ST13: variants seen among roughly 807,000 people sequenced by gnomAD.
ST13 encodes ST13 Hsp70 interacting protein.
In ST13, 23 loss-of-function variants were observed where a neutral mutation model predicts 56.7. The observed-to-expected ratio is 0.41, with a 90% confidence interval of 0.29 to 0.57. The LOEUF (loss-of-function observed/expected upper bound fraction) is 0.57. ST13 is among the 20% of genes least tolerant of loss of function. The pLI is 0.36. For synonymous variants in ST13, 132 were observed against 142.4 expected (o/e 0.93, Z 0.52); for missense variants, 369 against 459.9 (o/e 0.80, Z 1.81).
chr22:40,844,536 T>C lies in ST13; in HGVS notation c.315+303A>G, dbSNP rs183365469. 8.6e-3 allele frequency among the ~76,000 whole-genome samples: 1,304 copies of C among 152,306 alleles called. 6 individuals carry two copies. The highest frequency in any genetic ancestry group is 0.013 in the Non-Finnish European group (866 of 68,022). On this transcript the variant is annotated intron_variant, in intron 4 of 11. Transcript: ENST00000216218. ...TATGACAAACCATTCTGTAATACAA[T>C]TTGGCATTAGATATTCCATCAAGAG...
In ST13 at chr22:40,856,631, T is replaced by G; in HGVS notation, c.-91A>C. 2 of 1,022,204 alleles carry G rather than the reference T, an allele frequency of 2.0e-6. No individual in the cohort carries two copies. Among genetic ancestry groups the G allele is most frequent in the Non-Finnish European group, 3.0e-6 (2 of 658,538 alleles). 63.3% of individuals were successfully genotyped at this position (1,022,204 alleles called of 1,614,324 possible). ...GCGTGACCGCGCAGAAGGGGGCGGC[T>G]GCCGCAAGACAGAACAGACTAGAAC... On this transcript the variant is annotated 5_prime_UTR_variant, in exon 1 of 12. Transcript: ENST00000216218.
chr22:40,856,610 G>T lies in ST13; in HGVS notation c.-70C>A. On this transcript the variant is annotated 5_prime_UTR_variant, in exon 1 of 12. Coordinates refer to ENST00000216218, the MANE Select transcript of ST13 (RefSeq NM_003932.5). ...CCAGGCCCAGGCGCTGGCTCGGCGTGACCGCGCAGAAGGGGGCGGCTGCCG... is the reference window on the plus strand; with the variant it reads ...CCAGGCCCAGGCGCTGGCTCGGCGTTACCGCGCAGAAGGGGGCGGCTGCCG... 7.7e-7 allele frequency: 1 copy of T among 1,303,774 alleles called. No individual in the cohort carries two copies. The highest frequency in any genetic ancestry group is 1.2e-5 in the South Asian group (1 of 84,444). 80.8% of individuals were successfully genotyped at this position (1,303,774 alleles called of 1,614,324 possible).
intron 4 of ST13, 43 bp from the exon 5 acceptor site, chr22:40,840,735 AGAG>A (rs760869863): frequency 2.6e-6 from 4 of 1,543,884 alleles, no homozygotes; most frequent in Non-Finnish European, 3.5e-6. Flanking sequence ...GTAGAGAGAG[AGAG>A]AAGGAAGCAA....
At chr22:40,829,872 T>C (rs1450611207) in intron 9 of ST13, among the ~76,000 whole-genome samples, 198 bp from the exon 10 acceptor site, 1 of 152,164 alleles carries the variant, frequency 6.6e-6, no homozygotes, top group African/African-American at 2.4e-5. Flanking sequence ...TGGTAGTAAT[T>C]TCAAGTAAAG....
At chr22:40,853,693 TCTAAA>T (rs2057873430) in intron 1 of ST13, among the ~76,000 whole-genome samples, 1 of 152,224 alleles carries the variant, frequency 6.6e-6, no homozygotes, top group Non-Finnish European at 1.5e-5. Context: ...GTTGCTACAC[TCTAAA>T]TTCTATATTG....
intron 4 of ST13, among the ~76,000 whole-genome samples, chr22:40,842,390 A>G (rs1377005316): frequency 6.6e-6 from 1 of 152,248 alleles, no homozygotes; most frequent in African/African-American, 2.4e-5. Context: ...GAGTTCAACA[A>G]GGAATTTAAT....
chr22:40,853,600 A>G (rs150690387), intron 1 of ST13, among the ~76,000 whole-genome samples: 1 of 152,182 alleles, frequency 6.6e-6, no homozygotes, highest in Non-Finnish European at 1.5e-5. Flanking sequence ...GACCACATAA[A>G]ACTTCATTCA....
At chr22:40,852,363 A>T (rs1450204245) in intron 1 of ST13, among the ~76,000 whole-genome samples, 3 of 152,174 alleles carry the variant, frequency 2.0e-5, no homozygotes, top group Non-Finnish European at 2.9e-5. Context: ...ACTCTCATCC[A>T]GCTTTCTAAT....
intron 5 of ST13, among the ~76,000 whole-genome samples, chr22:40,837,159 C>T (rs2057781416): frequency 6.6e-6 from 1 of 152,152 alleles, no homozygotes; most frequent in African/African-American, 2.4e-5. Flanking sequence ...GATACTTAGC[C>T]AGTTAGCGAA....
intron 1 of ST13, among the ~76,000 whole-genome samples, chr22:40,855,703 AAT>A (rs1314196231): frequency 2.0e-5 from 3 of 152,190 alleles, no homozygotes; most frequent in African/African-American, 7.2e-5. Flanking sequence ...TATTCGTCTA[AAT>A]AGACAGTACT....
chr22:40,853,257 T>C (rs556924182), intron 1 of ST13, among the ~76,000 whole-genome samples: 1 of 152,266 alleles, frequency 6.6e-6, no homozygotes, highest in South Asian at 2.1e-4. Flanking sequence ...GGTGTTGGGG[T>C]ATAATGTTGG....
chr22:40,835,439 G>A, intron 7 of ST13, 121 bp downstream of exon 7: 1 of 790,004 alleles, frequency 1.3e-6, no homozygotes, highest in Non-Finnish European at 2.1e-6. Flanking sequence ...TTGATACTAA[G>A]TACACACTAA....
At chr22:40,838,385 G>A (rs1016203558) in intron 5 of ST13, among the ~76,000 whole-genome samples, 1 of 152,122 alleles carries the variant, frequency 6.6e-6, no homozygotes, top group Non-Finnish European at 1.5e-5. Context: ...CATGAACAGA[G>A]AGTTCAGAAA....
chr22:40,855,191 C>T (rs1032025071), intron 1 of ST13, among the ~76,000 whole-genome samples: 1 of 152,200 alleles, frequency 6.6e-6, no homozygotes, highest in Admixed American at 6.5e-5. Context: ...TGAAGTGGCT[C>T]ACGCCTGTAA....
rs532586012 is a variant in ST13 at position 40,835,948 on chromosome 22, T to C, written c.383-61A>G. ...AGGATAAAAATATTAATAAAAAGTT[T>C]TGATCTGTTATCCAGTTAAGTCTTT... On this transcript the variant is annotated intron_variant, in intron 5 of 11. Coordinates refer to ENST00000216218, the MANE Select transcript of ST13 (RefSeq NM_003932.5). The C allele has an allele frequency of 7.6e-6, 10 of 1,311,828 alleles. No individual in the cohort carries two copies. In the East Asian group the frequency reaches 1.9e-4, roughly 25 times the overall value. The allele number at this position is 1,311,828 out of a possible 1,614,324, so 81.3% of individuals were successfully genotyped here.
intron 4 of ST13, 34 bp from the exon 5 acceptor site, chr22:40,840,726 T>G: frequency 1.3e-6 from 2 of 1,566,342 alleles, no homozygotes; most frequent in Non-Finnish European, 1.7e-6. Context: ...TTAGAATTAG[T>G]AGAGAGAGAG....
rs376218603 is a variant in ST13 at position 40,824,835 on chromosome 22, TA to T, written c.*1702del. On this transcript the variant is annotated 3_prime_UTR_variant, in exon 12 of 12. Transcript: ENST00000216218. Reference sequence around the variant, plus strand: ...ATTTAAAAAGCATGCTCCATCAGCATAATAGCTTTTTCTCATTTATGTAACA... The same window carrying T: ...ATTTAAAAAGCATGCTCCATCAGCATATAGCTTTTTCTCATTTATGTAACA... The T allele has an allele frequency of 1.5e-3, 234 of 152,340 alleles. 4 individuals carry two copies. The highest frequency in any genetic ancestry group is 5.3e-3 in the African/African-American group (220 of 41,576). 9.4% of individuals were successfully genotyped at this position (152,340 alleles called of 1,614,324 possible).
At chr22:40,826,931 T>G (rs2057731293) in intron 11 of ST13, among the ~76,000 whole-genome samples, 165 bp downstream of exon 11, 1 of 152,228 alleles carries the variant, frequency 6.6e-6, no homozygotes, top group Non-Finnish European at 1.5e-5. Flanking sequence ...AAAATTTAAG[T>G]TACTCACTCT....
At chr22:40,841,314 G>C (rs978150419) in intron 4 of ST13, among the ~76,000 whole-genome samples, 1 of 152,010 alleles carries the variant, frequency 6.6e-6, no homozygotes, top group East Asian at 1.9e-4. Flanking sequence ...AGGCTGTAGT[G>C]AGTCTTGATT....
Sources: allele counts gnomAD v4.1 joint callset (sites outside exome capture counted in the v4.1 genomes callset), GRCh38; gene constraint gnomAD v4.1.1; transcripts MANE v1.5; gene names NCBI Gene and HGNC (gene_info 2026-07-23, HGNC 2026-07-21).